Variants in FBRSL1 observed in about 807,000 individuals in gnomAD.
The protein encoded by FBRSL1 is fibrosin-1-like protein.
In FBRSL1, 51 loss-of-function variants were observed where a neutral mutation model predicts 89.6. That is an observed-to-expected ratio of 0.57 (90% CI 0.45 to 0.72). FBRSL1 has a LOEUF of 0.72. FBRSL1 is among the 30% of genes least tolerant of loss of function. The probability of loss-of-function intolerance (pLI) is 0.00; values close to 1 mark genes in which losing one functional copy is unlikely to be tolerated. For synonymous variants in FBRSL1, 779 were observed against 681.1 expected (o/e 1.14, Z -2.24); for missense variants, 1,618 against 1,451.8 (o/e 1.11, Z -1.86).
At chr12:132,531,591 T>C (rs10781617) in intron 4 of FBRSL1, among the ~76,000 whole-genome samples, 1 of 152,126 alleles carries the variant, frequency 6.6e-6, no homozygotes, top group Non-Finnish European at 1.5e-5. Context: ...GTGACCTGTG[T>C]TTGTGTGTTT....
At chr12:132,490,904 G>T (rs1456142807) in intron 1 of FBRSL1, 43 bp downstream of exon 1, 1 of 1,253,158 alleles carries the variant, frequency 8.0e-7, no homozygotes, top group Non-Finnish European at 1.0e-6. Flanking sequence ...AGGCGAGAAC[G>T]GGGCCCGGAG....
rs184733041 is a variant in FBRSL1, at chr12:132,573,720, C to T, written c.1531-370C>T. 1.6e-3 allele frequency among the ~76,000 whole-genome samples: 242 copies of T among 152,260 alleles called. 1 individual carries two copies. The highest frequency in any genetic ancestry group is 5.5e-3 in the African/African-American group (227 of 41,550). The stretch of plus-strand genomic sequence containing the variant: ...TGCTGTGGGACCCCCCTTTCCCTGG[C>T]GCCCCTGGTGGGAAACGACCATCTC... On this transcript the variant is annotated intron_variant, in intron 11 of 18. Transcript: ENST00000680143.
rs990346003 is a variant in FBRSL1 at position 132,584,098 on chromosome 12, T to G, written c.*320T>G. 1 of 155,516 alleles carries G rather than the reference T, an allele frequency of 6.4e-6. No homozygotes were observed. Among genetic ancestry groups the G allele is most frequent in the African/African-American group, 2.4e-5 (1 of 41,602 alleles). 9.6% of individuals were successfully genotyped at this position (155,516 alleles called of 1,614,324 possible). On this transcript the variant is annotated 3_prime_UTR_variant, in exon 19 of 19. Transcript: ENST00000680143. ...AAGAACCAAAAAAGAAACTTTTGCT[T>G]CTTCGTTTTCGGTTGGGATTTGCAG...
intron 5 of FBRSL1, among the ~76,000 whole-genome samples, chr12:132,548,533 C>G (rs948188941): frequency 2.6e-4 from 39 of 152,230 alleles, no homozygotes; most frequent in African/African-American, 9.4e-4. Flanking sequence ...TTCCTGCAGC[C>G]TCAGCCAGGA....
At chr12:132,521,098 A>G (rs945277157) in intron 2 of FBRSL1, among the ~76,000 whole-genome samples, 2 of 152,222 alleles carry the variant, frequency 1.3e-5, no homozygotes, top group Non-Finnish European at 2.9e-5. Context: ...GAAAGTCTCA[A>G]GTCTGGACCC....
intron 3 of FBRSL1, 150 bp from the exon 4 acceptor site, chr12:132,527,803 C>G (rs188550361): frequency 2.7e-6 from 2 of 738,560 alleles, no homozygotes; most frequent in Admixed American, 2.1e-5. Flanking sequence ...TTGAGGGCTT[C>G]GGGTCTGTGG....
chr12:132,558,496 C>A (rs1049215821), intron 5 of FBRSL1, among the ~76,000 whole-genome samples: 1 of 152,244 alleles, frequency 6.6e-6, no homozygotes, highest in African/African-American at 2.4e-5. Context: ...AAGCGCGTGC[C>A]GTTTTCATGG....
chr12:132,572,144 G>T (rs2040065284), intron 9 of FBRSL1, 144 bp from the exon 10 acceptor site: 1 of 687,048 alleles, frequency 1.5e-6, no homozygotes, highest in South Asian at 1.8e-5. Context: ...CTCTAGAGGA[G>T]CCTGGGACGG....
intron 2 of FBRSL1, among the ~76,000 whole-genome samples, chr12:132,508,925 C>T (rs1298446989): frequency 1.3e-5 from 2 of 152,174 alleles, no homozygotes; most frequent in East Asian, 3.9e-4. Context: ...TGGGGGCTTC[C>T]CCAGCGCGTG....
chr12:132,492,845 G>C (rs966596153), intron 1 of FBRSL1, among the ~76,000 whole-genome samples: 7 of 152,252 alleles, frequency 4.6e-5, no homozygotes, highest in Admixed American at 4.6e-4. Flanking sequence ...TTCTGCACAA[G>C]TCATAACCTC....
chr12:132,571,281 T>C lies in FBRSL1; in HGVS notation c.1377+50T>C, dbSNP rs555972870. 7 of 1,503,862 alleles carry C rather than the reference T, an allele frequency of 4.7e-6. No homozygotes were observed. The African/African-American group carries it at 7.0e-5, about 15-fold the overall frequency. The allele number at this position is 1,503,862 out of a possible 1,614,324, so 93.2% of individuals were successfully genotyped here. On this transcript the variant is annotated intron_variant, in intron 9 of 18. Coordinates refer to ENST00000680143, the MANE Select transcript of FBRSL1 (RefSeq NM_001367871.1). ...GGAGCCCGCGGCCAACGTGCCTCTC[T>C]GTCTCTCTCTCTTTTTCTCTTGTAG... is the stretch of plus-strand genomic sequence containing the variant.
chr12:132,493,693 G>A (rs1042029587), intron 1 of FBRSL1, among the ~76,000 whole-genome samples: 11 of 152,252 alleles, frequency 7.2e-5, no homozygotes, highest in African/African-American at 1.9e-4. Context: ...TTCTGTGCCC[G>A]GGGCAGGCCC....
At chr12:132,520,690 G>A (rs2035275714) in intron 2 of FBRSL1, among the ~76,000 whole-genome samples, 1 of 152,230 alleles carries the variant, frequency 6.6e-6, no homozygotes, top group Admixed American at 6.5e-5. Context: ...TGTGGCCTGG[G>A]CAGGTTCGGG....
Position 132,546,360 on chromosome 12 carries a change from C to G in FBRSL1, c.616-1643C>G, listed in dbSNP as rs1482588815. Reference sequence around the variant, plus strand: ...CTGCAGCCTCCGGGGCGGGATGGGCCCGGTTCTGACTTGGAGCCCTCAGTT... The same window carrying G: ...CTGCAGCCTCCGGGGCGGGATGGGCGCGGTTCTGACTTGGAGCCCTCAGTT... On this transcript the variant is annotated intron_variant, in intron 4 of 18. Coordinates refer to ENST00000680143, the MANE Select transcript of FBRSL1 (RefSeq NM_001367871.1). The surrounding 1 kb of genome is among the most constrained non-coding windows in gnomAD (Gnocchi z 4.0). 6.6e-6 allele frequency among the ~76,000 whole-genome samples: 1 copy of G among 152,246 alleles called. No homozygotes were observed. Among genetic ancestry groups the G allele is most frequent in the Non-Finnish European group, 1.5e-5 (1 of 68,052 alleles).
intron 2 of FBRSL1, among the ~76,000 whole-genome samples, chr12:132,512,322 G>T (rs937333631): frequency 6.6e-6 from 1 of 152,234 alleles, no homozygotes; most frequent in Non-Finnish European, 1.5e-5. Context: ...GCCTGGGCAC[G>T]CGTGAGGGAG....
intron 1 of FBRSL1, among the ~76,000 whole-genome samples, chr12:132,506,175 T>A (rs754686732): frequency 2.7e-5 from 4 of 149,836 alleles, no homozygotes; most frequent in Non-Finnish European, 5.9e-5. Context: ...GAAACTGCCT[T>A]GTGCTTGGTG....
chr12:132,495,141 G>C (rs942266697), intron 1 of FBRSL1, among the ~76,000 whole-genome samples: 1 of 152,238 alleles, frequency 6.6e-6, no homozygotes, highest in Non-Finnish European at 1.5e-5. Context: ...GGGTGTGAGG[G>C]ACTGGCCCAG....
At position 132,494,373 on chromosome 12, in the gene FBRSL1, C is replaced by G. The variant is rs546325143; in HGVS notation, c.291+3512C>G. 4.6e-5 allele frequency among the ~76,000 whole-genome samples: 7 copies of G among 152,328 alleles called. No individual in the cohort carries two copies. The South Asian group carries it at 1.0e-3, about 23-fold the overall frequency. On this transcript the variant is annotated intron_variant, in intron 1 of 18. Coordinates refer to ENST00000680143, the MANE Select transcript of FBRSL1 (RefSeq NM_001367871.1). The stretch of plus-strand genomic sequence containing the variant: ...GAGGTGTATCCAGGGCTGTGTCAGA[C>G]CCCATCTTCCCACATAGCAAAGGCC...
At position 132,576,806 on chromosome 12, in the gene FBRSL1, A is replaced by G. The variant is rs775060512; in HGVS notation, c.1709A>G (p.Gln570Arg). The G allele has an allele frequency of 1.4e-4, 222 of 1,550,568 alleles. No individual in the cohort carries two copies. The highest frequency in any genetic ancestry group is 1.8e-4 in the Non-Finnish European group (212 of 1,146,776). Residue 570 changes from glutamine to arginine, a missense_variant, in exon 15 of 19, where the codon CAG becomes CGG. Coordinates refer to ENST00000680143, the MANE Select transcript of FBRSL1 (RefSeq NM_001367871.1). ...YRHQQKIKEM[Q>R]LDPHKLEVGA... ...CCCGTTCTATCCTCCCAGGAGATGC[A>G]GCTGGACCCCCACAAGCTGGAGGTG...
Sources: gnomAD v4.1 joint callset for allele counts (sites outside exome capture counted in the v4.1 genomes callset) on GRCh38, gnomAD v4.1.1 for gene constraint, Gnocchi (gnomAD v3.1) non-coding constraint, MANE v1.5 for transcripts, NCBI Gene and HGNC (gene_info 2026-07-23, HGNC 2026-07-21) for gene names.